The following MGAT5B variants were observed in gnomAD, a reference collection of about 807,000 sequenced individuals.
MGAT5B encodes the protein N-acetylglucosaminyl-transferase Vb.
A neutral mutation model predicts 95.1 loss-of-function variants in MGAT5B; 54 were observed. The ratio of observed to expected loss-of-function variants is 0.57; its 90% CI spans 0.46 to 0.71. The LOEUF (loss-of-function observed/expected upper bound fraction) is 0.71. Ranked by LOEUF, MGAT5B falls within the 30% of genes least tolerant of loss-of-function variation. The pLI is 0.00. For synonymous variants in MGAT5B, 464 were observed against 451.0 expected (o/e 1.03, Z -0.36); for missense variants, 935 against 1,088.6 (o/e 0.86, Z 1.99).
chr17:76,930,453 GCAGCTGCTCC>G lies in MGAT5B; in HGVS notation c.1292-2187_1292-2178del. 6.6e-6 allele frequency among the ~76,000 whole-genome samples: 1 copy of G among 152,274 alleles called. No homozygotes were observed. Among genetic ancestry groups the G allele is most frequent in the African/African-American group, 2.4e-5 (1 of 41,550 alleles). ...GGCTGTTGTGGGAAATCAAGGCTGGGCAGCTGCTCCCAGCCTCCTCACTCACCATAGCCCC... is the reference window on the plus strand; with the variant it reads ...GGCTGTTGTGGGAAATCAAGGCTGGGCAGCCTCCTCACTCACCATAGCCCC... On this transcript the variant is annotated intron_variant, in intron 10 of 17. Coordinates refer to ENST00000569840, the MANE Select transcript of MGAT5B (RefSeq NM_001199172.2). This position sits in a 1 kb window ranked among gnomAD's most constrained non-coding sequence, Gnocchi z 4.1.
Position 76,940,578 on chromosome 17 carries a change from A to G in MGAT5B, c.1731+30A>G, listed in dbSNP as rs535527972. On this transcript the variant is annotated intron_variant, in intron 14 of 17. Transcript: ENST00000569840. This position sits in a 1 kb window ranked among gnomAD's most constrained non-coding sequence, Gnocchi z 4.3. ...GTGGAAAGCATCCTGGTCCCCGATC[A>G]GGAGGGGCCGGGACAGAGACCCCTG... The G allele has an allele frequency of 6.3e-7, 1 of 1,594,920 alleles. No homozygotes were observed. Among genetic ancestry groups the G allele is most frequent in the East Asian group, 2.2e-5 (1 of 44,568 alleles).
chr17:76,898,193 C>T (rs36048792), intron 3 of MGAT5B, among the ~76,000 whole-genome samples: 29,431 of 152,040 alleles, frequency 0.19, 4,229 homozygotes, highest in African/African-American at 0.39. Flanking sequence ...ATATTTCTAG[C>T]ACACAAGATT....
rs141576979 is a variant in MGAT5B at position 76,906,086 on chromosome 17, C to T, written c.924C>T (p.Gly308=). ...TGTTCAGCCCTCGGGTCCTGAAGGGCGGGCCCCTAGGGGAGATGGTGCAGT... is the reference window on the plus strand; with the variant it reads ...TGTTCAGCCCTCGGGTCCTGAAGGGTGGGCCCCTAGGGGAGATGGTGCAGT... ...GDVFSPRVLK[G]GPLGEMVQWA... The change falls in exon 8 of 18, where the codon GGC becomes GGT. Residue 308 remains glycine, a synonymous_variant. Transcript: ENST00000569840. The surrounding 1 kb of genome is among the most constrained non-coding windows in gnomAD (Gnocchi z 4.6). 6.8e-6 allele frequency: 11 copies of T among 1,608,022 alleles called. No homozygotes were observed. The highest frequency in any genetic ancestry group is 4.0e-5 in the African/African-American group (3 of 74,292).
intron 15 of MGAT5B, among the ~76,000 whole-genome samples, chr17:76,944,560 A>G (rs541445543): frequency 7.8e-4 from 118 of 152,252 alleles, no homozygotes; most frequent in African/African-American, 2.6e-3. Context: ...CGGGAATGAG[A>G]GCAGGTCGGG....
chr17:76,928,481 C>T (rs1025451742), intron 10 of MGAT5B, among the ~76,000 whole-genome samples: 3 of 151,820 alleles, frequency 2.0e-5, no homozygotes, highest in African/African-American at 7.3e-5. Flanking sequence ...CTGAGGCAGG[C>T]GGATCATGAG....
intron 13 of MGAT5B, among the ~76,000 whole-genome samples, chr17:76,939,612 C>T (rs1969800057): frequency 6.6e-6 from 1 of 152,128 alleles, no homozygotes; most frequent in Non-Finnish European, 1.5e-5. Context: ...TATGAAGGAT[C>T]TTGTCACCCA....
chr17:76,881,326 G>A (rs909354914), intron 2 of MGAT5B, among the ~76,000 whole-genome samples: 2 of 152,168 alleles, frequency 1.3e-5, no homozygotes, highest in Admixed American at 1.3e-4. Context: ...AGAGGGAAGA[G>A]CAGCCGCCTC....
intron 15 of MGAT5B, among the ~76,000 whole-genome samples, chr17:76,944,589 C>T (rs911332767): frequency 1.1e-4 from 16 of 152,256 alleles, no homozygotes; most frequent in South Asian, 6.2e-4. Context: ...GTGCAGAGCA[C>T]GGGGCTTCAA....
At chr17:76,932,617 C>T in intron 10 of MGAT5B, 28 bp from the exon 11 acceptor site, 3 of 1,612,562 alleles carry the variant, frequency 1.9e-6, no homozygotes, top group South Asian at 2.2e-5. Context: ...TTTGGTGACC[C>T]CATTCCTTCT....
intron 10 of MGAT5B, among the ~76,000 whole-genome samples, chr17:76,932,190 C>T (rs954080751): frequency 1.3e-5 from 2 of 149,764 alleles, no homozygotes; most frequent in Admixed American, 6.7e-5. Context: ...TGCAGCAGTG[C>T]GATCATAGCT....
Position 76,938,383 on chromosome 17 carries a change from G to A in MGAT5B, c.1584+240G>A, listed in dbSNP as rs1310910073. 6.6e-6 allele frequency among the ~76,000 whole-genome samples: 1 copy of A among 152,188 alleles called. No homozygotes were observed. Among genetic ancestry groups the A allele is most frequent in the Non-Finnish European group, 1.5e-5 (1 of 68,046 alleles). On this transcript the variant is annotated intron_variant, in intron 13 of 17. Coordinates refer to ENST00000569840, the MANE Select transcript of MGAT5B (RefSeq NM_001199172.2). The surrounding 1 kb of genome is among the most constrained non-coding windows in gnomAD (Gnocchi z 4.3). ...GGGCCAGCAGAGCAGCAGAGCCGTG[G>A]CTCAGTGATGGGGAAGTAGAGTTGG...
At chr17:76,921,247 T>C (rs1256561091) in intron 8 of MGAT5B, among the ~76,000 whole-genome samples, 1 of 152,222 alleles carries the variant, frequency 6.6e-6, no homozygotes, top group Non-Finnish European at 1.5e-5. Flanking sequence ...TTGAAATTTC[T>C]GCGGCACCTG....
chr17:76,869,484 C>T lies in MGAT5B; in HGVS notation c.68+387C>T, dbSNP rs905834393. ...CCATCCGGGTGGCAAAGTTAGTGTGCGGCGCCTTGGAGCTCCCCCTCCGGT... is the reference window on the plus strand; with the variant it reads ...CCATCCGGGTGGCAAAGTTAGTGTGTGGCGCCTTGGAGCTCCCCCTCCGGT... On this transcript the variant is annotated intron_variant, in intron 1 of 17. Transcript: ENST00000569840. This position sits in a 1 kb window ranked among gnomAD's most constrained non-coding sequence, Gnocchi z 7.0. Among the ~76,000 whole-genome samples, 2 of 152,108 alleles carry T rather than the reference C, an allele frequency of 1.3e-5. No individual in the cohort carries two copies. Among genetic ancestry groups the T allele is most frequent in the African/African-American group, 4.8e-5 (2 of 41,416 alleles).
intron 3 of MGAT5B, among the ~76,000 whole-genome samples, chr17:76,886,618 G>T (rs1598904627): frequency 6.6e-6 from 1 of 152,200 alleles, no homozygotes; most frequent in East Asian, 1.9e-4. Context: ...GCGGGAAGGA[G>T]CAGATGGCTG....
rs1420869572 is a variant in MGAT5B, at chr17:76,924,986, G to A, written c.1046G>A (p.Gly349Asp). 1.2e-6 allele frequency: 2 copies of A among 1,611,990 alleles called. No individual in the cohort carries two copies. The highest frequency in any genetic ancestry group is 1.7e-6 in the Non-Finnish European group (2 of 1,179,494). ...CTCAGTAACTTAGGGGTACCGCCAG[G>A]CCGGGGAAGCTGCCCGCTCACCATG... is the stretch of plus-strand genomic sequence containing the variant. Reference protein sequence around the residue: ...ELQSNLGVPPGRGSCPLTMPL... With the variant: ...ELQSNLGVPPDRGSCPLTMPL... Residue 349 changes from glycine to aspartate, a missense_variant, in exon 9 of 18, where the codon GGC becomes GAC. Physicochemically the swap from Gly to Asp is moderately conservative, Grantham distance 94. Coordinates refer to ENST00000569840, the MANE Select transcript of MGAT5B (RefSeq NM_001199172.2).
rs1555688602 is a variant in MGAT5B, at chr17:76,869,789, C to A, written c.68+692C>A. ...CGTGGTGGGCGGGCGGTGGCGAAGGCGACACGCTTCGGGCGGCCAACACCT... is the reference window on the plus strand; with the variant it reads ...CGTGGTGGGCGGGCGGTGGCGAAGGAGACACGCTTCGGGCGGCCAACACCT... On this transcript the variant is annotated intron_variant, in intron 1 of 17. Coordinates refer to ENST00000569840, the MANE Select transcript of MGAT5B (RefSeq NM_001199172.2). This position sits in a 1 kb window ranked among gnomAD's most constrained non-coding sequence, Gnocchi z 7.0. Among the ~76,000 whole-genome samples the A allele has an allele frequency of 1.3e-5, 2 of 152,130 alleles. No homozygotes were observed. The highest frequency in any genetic ancestry group is 2.9e-5 in the Non-Finnish European group (2 of 67,996).
rs1970117210 is a variant in MGAT5B, at chr17:76,948,797, T to G, written c.2338T>G (p.Phe780Val). The change falls in exon 18 of 18, where the codon TTC becomes GTC. Residue 780 changes from phenylalanine to valine, a missense_variant. Phe to Val is a conservative substitution (Grantham distance 50). Transcript: ENST00000569840. ...CCGCCGGCTCTGCCCCTGCCGCGAC[T>G]TCCGCAAGGGCCAGGTGGCCTTGTG... ...KYRRLCPCRD[F>V]RKGQVALCQG... The G allele has an allele frequency of 6.2e-7, 1 of 1,608,436 alleles. No homozygotes were observed.
Position 76,948,733 on chromosome 17 carries a change from G to T in MGAT5B, c.2274G>T (p.Glu758Asp). The change falls in exon 18 of 18, where the codon GAG becomes GAT. Residue 758 changes from glutamate to aspartate, a missense_variant. Transcript: ENST00000569840. ...QPGQECYLQK[E>D]PLLFSCAGSN... ...GCCAGGAGTGCTACCTGCAGAAGGA[G>T]CCTCTGCTCTTCAGCTGCGCCGGCT... is the stretch of plus-strand genomic sequence containing the variant. 3.7e-6 allele frequency: 6 copies of T among 1,613,020 alleles called. No individual in the cohort carries two copies. The highest frequency in any genetic ancestry group is 5.1e-6 in the Non-Finnish European group (6 of 1,179,740).
chr17:76,936,398 A>G (rs1969674336), intron 12 of MGAT5B, among the ~76,000 whole-genome samples: 1 of 152,048 alleles, frequency 6.6e-6, no homozygotes, highest in South Asian at 2.1e-4. Flanking sequence ...ACAGAGGGAG[A>G]CTCTGTCCCA....
Sources: allele counts gnomAD v4.1 joint callset (sites outside exome capture counted in the v4.1 genomes callset), GRCh38; gene constraint gnomAD v4.1.1; non-coding constraint Gnocchi (gnomAD v3.1); transcripts MANE v1.5; gene names NCBI Gene and HGNC (gene_info 2026-07-23, HGNC 2026-07-21).